PARVB: variants seen among roughly 807,000 people sequenced by gnomAD.
PARVB encodes the protein beta-parvin.
A neutral mutation model predicts 47.0 loss-of-function variants in PARVB; 46 were observed. The ratio of observed to expected loss-of-function variants is 0.98; its 90% CI spans 0.77 to 1.25. The LOEUF (loss-of-function observed/expected upper bound fraction) is 1.25, where lower values mean the gene tolerates loss of function less well. Ranked by LOEUF, PARVB falls within the 50% of genes most tolerant of loss-of-function variation. The pLI is 0.00. For synonymous variants in PARVB, 196 were observed against 196.3 expected (o/e 1.00, Z 0.01); for missense variants, 473 against 471.6 (o/e 1.00, Z -0.03).
intron 2 of PARVB, among the ~76,000 whole-genome samples, chr22:44,095,419 G>A (rs2052279210): frequency 6.6e-6 from 1 of 151,730 alleles, no homozygotes; most frequent in African/African-American, 2.4e-5. Context: ...CAGGAGAATC[G>A]CTTGAACCCG....
chr22:44,167,992 T>C (rs1017303896), intron 12 of PARVB: 3 of 152,752 alleles, frequency 2.0e-5, no homozygotes, highest in Non-Finnish European at 4.4e-5. Context: ...CTTACTCTTG[T>C]GATCAGGACT....
intron 2 of PARVB, among the ~76,000 whole-genome samples, chr22:44,016,917 C>A (rs1011251446): frequency 6.6e-6 from 1 of 152,010 alleles, no homozygotes; most frequent in African/African-American, 2.4e-5. Context: ...CTCTTGTTGC[C>A]CAGGCTGGAG....
chr22:44,096,160 G>T (rs567072150), intron 2 of PARVB, among the ~76,000 whole-genome samples: 1 of 152,330 alleles, frequency 6.6e-6, no homozygotes, highest in Admixed American at 6.5e-5. Context: ...AGGAGGCGGA[G>T]GTTGCAGTGA....
In PARVB at chr22:44,068,656, C is replaced by T. The variant is rs370404790; in HGVS notation, c.113-25272C>T. Among the ~76,000 whole-genome samples, 10 of 152,196 alleles carry T rather than the reference C, an allele frequency of 6.6e-5. No homozygotes were observed. The highest frequency in any genetic ancestry group is 2.4e-4 in the African/African-American group (10 of 41,456). ...CACGGGAGATGCAGCTGGGGTGGCACGTGCCCACAGTGGTGCCACCTCTTG... is the reference window on the plus strand; with the variant it reads ...CACGGGAGATGCAGCTGGGGTGGCATGTGCCCACAGTGGTGCCACCTCTTG... On this transcript the variant is annotated intron_variant, in intron 1 of 12. Coordinates refer to ENST00000338758, the MANE Select transcript of PARVB (RefSeq NM_013327.5). The surrounding 1 kb of genome is among the most constrained non-coding windows in gnomAD (Gnocchi z 4.1).
rs1569165412 is a variant in PARVB at position 44,163,724 on chromosome 22, G to A, written c.946-134G>A. 2.2e-5 allele frequency: 15 copies of A among 672,800 alleles called. No homozygotes were observed. In the Admixed American group the frequency reaches 3.4e-4, roughly 15 times the overall value. The allele number at this position is 672,800 out of a possible 1,614,324, so 41.7% of individuals were successfully genotyped here. A position where few individuals can be genotyped will look rare whatever the true frequency, so the allele number is the denominator to read the frequency against. ...GTCTGCCCACCCTGTGGCCCGCCCC[G>A]GGCTCACTGGGTCCTTGTGGACGTC... is the stretch of plus-strand genomic sequence containing the variant. On this transcript the variant is annotated intron_variant, in intron 11 of 12. Coordinates refer to ENST00000338758, the MANE Select transcript of PARVB (RefSeq NM_013327.5).
chr22:44,007,189 C>A (rs2050474404), intron 2 of PARVB, among the ~76,000 whole-genome samples: 1 of 151,594 alleles, frequency 6.6e-6, no homozygotes, highest in Non-Finnish European at 1.5e-5. Context: ...GGAGATGACA[C>A]TTCAGGTCTA....
At chr22:44,022,685 T>G (rs2050664179), upstream of PARVB, among the ~76,000 whole-genome samples, 1 of 151,998 alleles carries the variant, frequency 6.6e-6, no homozygotes, top group South Asian at 2.1e-4. Context: ...TGCTGAGTGA[T>G]CCACCATGGC....
chr22:44,026,318 GC>G, intron 1 of PARVB: 1 of 985,570 alleles, frequency 1.0e-6, no homozygotes, highest in Non-Finnish European at 1.2e-6. Context: ...AATAGAACGG[GC>G]GTGGAGGCAG....
chr22:44,045,264 AATAAATAC>A (rs949384989), intron 1 of PARVB, among the ~76,000 whole-genome samples: 2 of 152,118 alleles, frequency 1.3e-5, no homozygotes, highest in African/African-American at 2.4e-5. Flanking sequence ...TAAATAAATA[AATAAATAC>A]ATACATACAT....
upstream of PARVB, among the ~76,000 whole-genome samples, chr22:44,022,538 G>A (rs564945035): frequency 6.6e-6 from 1 of 152,126 alleles, no homozygotes; most frequent in South Asian, 2.1e-4. Flanking sequence ...TGAGGACTGG[G>A]CCTGGCACCA....
intron 4 of PARVB, among the ~76,000 whole-genome samples, chr22:44,129,765 G>A (rs1021376993): frequency 1.3e-5 from 2 of 152,194 alleles, no homozygotes; most frequent in African/African-American, 4.8e-5. Context: ...GTTTTGTTGG[G>A]CTGCTTTGTT....
chr22:44,151,697 G>A (rs776739096), intron 10 of PARVB, 146 bp downstream of exon 10: 22 of 647,140 alleles, frequency 3.4e-5, no homozygotes, highest in East Asian at 8.3e-5. Flanking sequence ...AATAACCACC[G>A]TGGCCTTCTC....
Position 44,122,663 on chromosome 22 carries a change from G to T in PARVB, c.376+3523G>T, listed in dbSNP as rs2053097563. ...CACTCCCAGGTAACAATTTTCAATG[G>T]ATTCTGATTTTATCCTTCTTATGTT... is the stretch of plus-strand genomic sequence containing the variant. On this transcript the variant is annotated intron_variant, in intron 4 of 12. Transcript: ENST00000338758. Among the ~76,000 whole-genome samples the T allele has an allele frequency of 2.0e-5, 3 of 148,328 alleles. No homozygotes were observed. In the South Asian group the frequency reaches 6.4e-4, roughly 32 times the overall value.
chr22:44,171,329 C>T lies in PARVB; in HGVS notation c.*2651C>T, dbSNP rs1202911486. The T allele has an allele frequency of 6.6e-6, 1 of 152,052 alleles. No homozygotes were observed. 9.4% of individuals were successfully genotyped at this position (152,052 alleles called of 1,614,324 possible). ...TGGCCAACATGGTGAAACCCCATGT[C>T]TACTAAAAATACAAAAATTAGCCAT... is the stretch of plus-strand genomic sequence containing the variant. On this transcript the variant is annotated 3_prime_UTR_variant, in exon 13 of 13. Transcript: ENST00000338758.
At chr22:43,999,993 C>T (rs1024488935) in intron 2 of PARVB, among the ~76,000 whole-genome samples, 11 of 151,860 alleles carry the variant, frequency 7.2e-5, no homozygotes, top group Middle Eastern at 3.2e-3. Flanking sequence ...GGTGACAGAG[C>T]GAGACCCTGT....
chr22:44,051,639 G>A (rs943638529), intron 1 of PARVB, among the ~76,000 whole-genome samples: 1 of 152,216 alleles, frequency 6.6e-6, no homozygotes, highest in Non-Finnish European at 1.5e-5. Flanking sequence ...GTGTCAATGA[G>A]GGGAGAGGAT....
rs1036250572 is a variant in PARVB at position 44,163,060 on chromosome 22, G to A, written c.946-798G>A. Among the ~76,000 whole-genome samples the A allele has an allele frequency of 3.3e-5, 5 of 152,184 alleles. No individual in the cohort carries two copies. In the East Asian group the frequency reaches 9.6e-4, roughly 29 times the overall value. On this transcript the variant is annotated intron_variant, in intron 11 of 12. Coordinates refer to ENST00000338758, the MANE Select transcript of PARVB (RefSeq NM_013327.5). ...CCCTCCCCTGAGGGCACCCCATCCT[G>A]CAGAGACACAGCCTCACGTGCAGGT...
chr22:44,130,041 GATAA>G (rs2053275883), intron 4 of PARVB, among the ~76,000 whole-genome samples: 1 of 152,220 alleles, frequency 6.6e-6, no homozygotes, highest in Non-Finnish European at 1.5e-5. Flanking sequence ...CTGCTGGGGA[GATAA>G]CACTGAAGAC....
chr22:44,096,608 G>A (rs1392341952), intron 2 of PARVB, among the ~76,000 whole-genome samples: 1 of 152,296 alleles, frequency 6.6e-6, no homozygotes, highest in Admixed American at 6.5e-5. Context: ...TACAGATGGG[G>A]AAGCTGAGGC....
Sources: allele counts gnomAD v4.1 joint callset (sites outside exome capture counted in the v4.1 genomes callset), GRCh38; gene constraint gnomAD v4.1.1; non-coding constraint Gnocchi (gnomAD v3.1); transcripts MANE v1.5; gene names NCBI Gene and HGNC (gene_info 2026-07-23, HGNC 2026-07-21).